The following LOX variants were observed in gnomAD, a reference collection of about 807,000 sequenced individuals.
LOX encodes lysyl oxidase, also known as protein-lysine 6-oxidase.
A neutral mutation model predicts 50.5 loss-of-function variants in LOX; 12 were observed. That is an observed-to-expected ratio of 0.24 (90% CI 0.15 to 0.38). The LOEUF (loss-of-function observed/expected upper bound fraction) is 0.38, where lower values mean the gene tolerates loss of function less well. Among genes scored for constraint, LOX ranks in the 10% least tolerant of loss-of-function variants. The pLI is 1.00. For synonymous variants in LOX, 254 were observed against 230.6 expected, an observed-to-expected ratio of 1.10 and a Z score of -0.92; for missense variants, 504 against 563.8, an observed-to-expected ratio of 0.89 and a Z score of 1.07.
intron 4 of LOX, 30 bp downstream of exon 4, chr5:122,073,983 G>A (rs2979863): frequency 2.3e-5 from 37 of 1,598,018 alleles, no homozygotes; most frequent in Non-Finnish European, 2.8e-5. Flanking sequence ...TCTGAGGCTT[G>A]AGGTTCTGGA....
At position 122,064,909 on chromosome 5, in the gene LOX, T is replaced by C. The variant is rs1269971371; in HGVS notation, c.*1834A>G. 1.3e-5 allele frequency: 2 copies of C among 152,224 alleles called. No individual in the cohort carries two copies. Among genetic ancestry groups the C allele is most frequent in the East Asian group, 3.9e-4 (2 of 5,176 alleles). 9.4% of individuals were successfully genotyped at this position (152,224 alleles called of 1,614,324 possible). ...AATAAAATGATAGATCTGAAATCTG[T>C]AGATGCCAGTCTGGCTCAGTATTAA... On this transcript the variant is annotated 3_prime_UTR_variant, in exon 7 of 7. Coordinates refer to ENST00000231004, the MANE Select transcript of LOX (RefSeq NM_002317.7).
chr5:122,070,467 A>G (rs759413446), intron 5 of LOX, 27 bp downstream of exon 5: 1 of 1,246,090 alleles, frequency 8.0e-7, no homozygotes, highest in Admixed American at 1.8e-5. Context: ...CAATATCAAT[A>G]TATGATATAT....
At chr5:122,076,779 C>G in intron 2 of LOX, 114 bp downstream of exon 2, 2 of 846,864 alleles carry the variant, frequency 2.4e-6, no homozygotes, top group Non-Finnish European at 3.8e-6. Flanking sequence ...CTTCCCAGCT[C>G]TTGTCCCACT....
At chr5:122,073,717 A>T (rs1219657104) in intron 4 of LOX, among the ~76,000 whole-genome samples, 2 of 152,192 alleles carry the variant, frequency 1.3e-5, no homozygotes, top group Non-Finnish European at 2.9e-5. Context: ...CACATGCATA[A>T]CTGGAAATAC....
intron 6 of LOX, 46 bp from the exon 7 acceptor site, chr5:122,066,795 T>A (rs376740354): frequency 2.5e-6 from 3 of 1,219,766 alleles, no homozygotes; most frequent in Non-Finnish European, 3.6e-6. Flanking sequence ...CCTGATAATA[T>A]AATGAATGAG....
Position 122,066,678 on chromosome 5 carries a change from G to C in LOX, c.*65C>G. ...AAATACATAAATCCTACTGAAGTTA[G>C]TCTATTTTTTCCCACTTCAGAACAC... On this transcript the variant is annotated 3_prime_UTR_variant, in exon 7 of 7. Coordinates refer to ENST00000231004, the MANE Select transcript of LOX (RefSeq NM_002317.7). 1 of 1,346,246 alleles carries C rather than the reference G, an allele frequency of 7.4e-7. No homozygotes were observed. The highest frequency in any genetic ancestry group is 1.2e-5 in the South Asian group (1 of 83,198). The allele number at this position is 1,346,246 out of a possible 1,614,324, so 83.4% of individuals were successfully genotyped here.
In LOX at chr5:122,075,384, C is replaced by T; in HGVS notation, c.878+20G>A. Reference sequence around the variant, plus strand: ...AAATGAAAAGCAACCCAAAAGTACCCAGGAGGCCCATTTACTTACTGATGA... The same window carrying T: ...AAATGAAAAGCAACCCAAAAGTACCTAGGAGGCCCATTTACTTACTGATGA... On this transcript the variant is annotated intron_variant, in intron 3 of 6. Transcript: ENST00000231004. 1 of 1,583,138 alleles carries T rather than the reference C, an allele frequency of 6.3e-7. No individual in the cohort carries two copies. Among genetic ancestry groups the T allele is most frequent in the Non-Finnish European group, 8.6e-7 (1 of 1,167,344 alleles).
At chr5:122,068,963 C>T (rs1754378493) in intron 6 of LOX, among the ~76,000 whole-genome samples, 1 of 152,010 alleles carries the variant, frequency 6.6e-6, no homozygotes, top group Non-Finnish European at 1.5e-5. Flanking sequence ...TCTACTATAA[C>T]CAACTCCACA....
At chr5:122,070,861 A>G (rs1482190662) in intron 4 of LOX, 1 of 243,266 alleles carries the variant, frequency 4.1e-6, no homozygotes, top group African/African-American at 2.2e-5. Context: ...CTGAAGGAAC[A>G]AAATAGGCCT....
intron 6 of LOX, among the ~76,000 whole-genome samples, chr5:122,069,192 T>C (rs1016139164): frequency 1.3e-5 from 2 of 152,152 alleles, no homozygotes; most frequent in African/African-American, 4.8e-5. Flanking sequence ...GAGATTCTAG[T>C]ATAGCTCTGC....
rs1305785747 is a variant in LOX, at chr5:122,064,460, T to C, written c.*2283A>G. On this transcript the variant is annotated 3_prime_UTR_variant, in exon 7 of 7. Coordinates refer to ENST00000231004, the MANE Select transcript of LOX (RefSeq NM_002317.7). ...CTTCCTAATTGAAAAAAAAAAATCGTCAAAATTAACCAAATAGTAGGTGTT... is the reference window on the plus strand; with the variant it reads ...CTTCCTAATTGAAAAAAAAAAATCGCCAAAATTAACCAAATAGTAGGTGTT... 6.6e-6 allele frequency: 1 copy of C among 151,556 alleles called. No homozygotes were observed. Among genetic ancestry groups the C allele is most frequent in the Non-Finnish European group, 1.5e-5 (1 of 67,788 alleles). 9.4% of individuals were successfully genotyped at this position (151,556 alleles called of 1,614,324 possible). A position where few individuals can be genotyped will look rare whatever the true frequency, so the allele number is the denominator to read the frequency against.
chr5:122,072,922 C>A (rs1754492427), intron 4 of LOX, among the ~76,000 whole-genome samples: 1 of 152,142 alleles, frequency 6.6e-6, no homozygotes, highest in Admixed American at 6.5e-5. Context: ...ACTTGCAGAT[C>A]ACTGAAAAGG....
At chr5:122,075,369 C>T in intron 3 of LOX, 35 bp downstream of exon 3, 2 of 1,539,974 alleles carry the variant, frequency 1.3e-6, no homozygotes, top group South Asian at 1.3e-5. Context: ...AAATGAAAAG[C>T]AACCCAAAAG....
chr5:122,074,195 G>A, intron 3 of LOX, 26 bp from the exon 4 acceptor site: 1 of 1,604,100 alleles, frequency 6.2e-7, no homozygotes, highest in Non-Finnish European at 8.5e-7. Context: ...ACAAAAAGAT[G>A]GTGGTCAGTT....
chr5:122,073,292 C>T (rs955114393), intron 4 of LOX, among the ~76,000 whole-genome samples: 1 of 152,190 alleles, frequency 6.6e-6, no homozygotes, highest in Non-Finnish European at 1.5e-5. Context: ...AATGATAAAA[C>T]ATGCAAACTG....
chr5:122,077,033 G>A lies in LOX; in HGVS notation c.632-32C>T, dbSNP rs745935769. 21 of 1,608,262 alleles carry A rather than the reference G, an allele frequency of 1.3e-5. No individual in the cohort carries two copies. The African/African-American group carries it at 2.0e-4, about 15-fold the overall frequency. ...GTCAGCAGGCGACGGGCGCAGCAGT[G>A]AAACAACCCGGCGCCCCCCGCTCCA... On this transcript the variant is annotated intron_variant, in intron 1 of 6. Coordinates refer to ENST00000231004, the MANE Select transcript of LOX (RefSeq NM_002317.7). This position sits in a 1 kb window ranked among gnomAD's most constrained non-coding sequence, Gnocchi z 4.9.
At position 122,077,245 on chromosome 5, in the gene LOX, G is replaced by T; in HGVS notation, c.631+110C>A. On this transcript the variant is annotated intron_variant, in intron 1 of 6. Coordinates refer to ENST00000231004, the MANE Select transcript of LOX (RefSeq NM_002317.7). This position sits in a 1 kb window ranked among gnomAD's most constrained non-coding sequence, Gnocchi z 4.9. ...TGCCACTGCAGGCGCGTGGGGGAGG[G>T]ATCGGATCTGCGAGGACCGGGGCCC... 1 of 1,529,376 alleles carries T rather than the reference G, an allele frequency of 6.5e-7. No individual in the cohort carries two copies. Among genetic ancestry groups the T allele is most frequent in the Non-Finnish European group, 8.8e-7 (1 of 1,139,592 alleles). 94.7% of individuals were successfully genotyped at this position (1,529,376 alleles called of 1,614,324 possible). A position where few individuals can be genotyped will look rare whatever the true frequency, so the allele number is the denominator to read the frequency against.
In LOX at chr5:122,077,043, G is replaced by T; in HGVS notation, c.632-42C>A. ...GACGGGCGCAGCAGTGAAACAACCC[G>T]GCGCCCCCCGCTCCAACTCCCTACC... On this transcript the variant is annotated intron_variant, in intron 1 of 6. Coordinates refer to ENST00000231004, the MANE Select transcript of LOX (RefSeq NM_002317.7). The surrounding 1 kb of genome is among the most constrained non-coding windows in gnomAD (Gnocchi z 4.9). The T allele has an allele frequency of 6.2e-7, 1 of 1,605,592 alleles. No individual in the cohort carries two copies. Among genetic ancestry groups the T allele is most frequent in the Non-Finnish European group, 8.5e-7 (1 of 1,178,880 alleles).
At position 122,077,780 on chromosome 5, in the gene LOX, C is replaced by G; in HGVS notation, c.206G>C (p.Arg69Pro). 6.5e-7 allele frequency: 1 copy of G among 1,548,436 alleles called. No individual in the cohort carries two copies. Among genetic ancestry groups the G allele is most frequent in the Non-Finnish European group, 8.7e-7 (1 of 1,151,536 alleles). Residue 69 changes from arginine to proline, a missense_variant, in exon 1 of 7, where the codon CGC becomes CCC. Physicochemically the swap from Arg to Pro is moderately radical, Grantham distance 103. This residue lies in a region of LOX where 398 missense variants were observed against 365.8 expected (regional missense o/e 1.09). Transcript: ENST00000231004. This position sits in a 1 kb window ranked among gnomAD's most constrained non-coding sequence, Gnocchi z 4.9. ...SLGSQYQPQR[R>P]RDPGAAVPGA... Reference sequence around the variant, plus strand: ...AGGGACGGCGGCGCCCGGGTCCCGGCGGCGCTGAGGCTGGTACTGTGAGCC... The same window carrying G: ...AGGGACGGCGGCGCCCGGGTCCCGGGGGCGCTGAGGCTGGTACTGTGAGCC...
Sources: allele counts gnomAD v4.1 joint callset (sites outside exome capture counted in the v4.1 genomes callset), GRCh38; gene constraint gnomAD v4.1.1; regional missense constraint gnomAD v4.1.1; non-coding constraint Gnocchi (gnomAD v3.1); transcripts MANE v1.5; gene names NCBI Gene and HGNC (gene_info 2026-07-23, HGNC 2026-07-21).